DOC2B: variants seen among roughly 807,000 people sequenced by gnomAD.
DOC2B encodes double C2-like domain-containing protein beta.
A neutral mutation model predicts 28.9 loss-of-function variants in DOC2B; 21 were observed. The ratio of observed to expected loss-of-function variants is 0.73; its 90% CI spans 0.52 to 1.05. DOC2B has a LOEUF of 1.05. Ranked by LOEUF, DOC2B falls within the 50% of genes least tolerant of loss-of-function variation. The probability of loss-of-function intolerance (pLI) is 0.00; values close to 1 mark genes in which losing one functional copy is unlikely to be tolerated. For missense variants in DOC2B, 384 were observed against 421.1 expected, an observed-to-expected ratio of 0.91 and a Z score of 0.77; for synonymous variants, 194 against 178.1, an observed-to-expected ratio of 1.09 and a Z score of -0.71.
intron 4 of DOC2B, 22 bp downstream of exon 4, chr17:162,059 G>T: frequency 6.6e-7 from 1 of 1,508,942 alleles, no homozygotes; most frequent in Non-Finnish European, 9.0e-7. Context: ...GAGGGAGCAG[G>T]CGGCCTGGGA....
In DOC2B at chr17:156,209, G is replaced by A. The variant is rs1011799657; in HGVS notation, c.923+11C>T. 1.2e-5 allele frequency: 18 copies of A among 1,543,612 alleles called. No individual in the cohort carries two copies. The highest frequency in any genetic ancestry group is 1.7e-4 in the Middle Eastern group (1 of 5,966). ...AGACGTGGCAGGTGGTCACGCGCACGGCACACTCACGTTTTCACGTAGGGG... is the reference window on the plus strand; with the variant it reads ...AGACGTGGCAGGTGGTCACGCGCACAGCACACTCACGTTTTCACGTAGGGG... On this transcript the variant is annotated intron_variant, in intron 6 of 8. Transcript: ENST00000613549.
intron 3 of DOC2B, 106 bp downstream of exon 3, chr17:164,024 G>C: frequency 1.2e-6 from 1 of 866,744 alleles, no homozygotes; most frequent in African/African-American, 1.7e-5. Flanking sequence ...GGGCCTCCCT[G>C]GGTGCCCGCA....
intron 4 of DOC2B, 70 bp from the exon 5 acceptor site, chr17:161,611 G>T: frequency 6.5e-7 from 1 of 1,540,246 alleles, no homozygotes; most frequent in Non-Finnish European, 8.8e-7. Context: ...GGTGTGCGCA[G>T]GTAGGGCCAG....
intron 6 of DOC2B, among the ~76,000 whole-genome samples, chr17:150,667 G>A (rs554808397): frequency 6.6e-6 from 1 of 152,342 alleles, no homozygotes; most frequent in African/African-American, 2.4e-5. Context: ...GAAAATGCAT[G>A]TGGACAAAAG....
At chr17:175,223 G>A (rs987555647) in intron 1 of DOC2B, among the ~76,000 whole-genome samples, 1 of 152,220 alleles carries the variant, frequency 6.6e-6, no homozygotes, top group Non-Finnish European at 1.5e-5. Context: ...GCGACAGAGC[G>A]AGATCCTGTC....
At chr17:150,328 G>A (rs1555521695) in intron 6 of DOC2B, among the ~76,000 whole-genome samples, 1 of 152,116 alleles carries the variant, frequency 6.6e-6, no homozygotes, top group Non-Finnish European at 1.5e-5. Context: ...GCACCAGGGA[G>A]CTTAACAAAC....
intron 1 of DOC2B, among the ~76,000 whole-genome samples, chr17:180,027 T>C (rs1597839656): frequency 1.3e-5 from 2 of 152,090 alleles, no homozygotes; most frequent in South Asian, 4.2e-4. Context: ...CCCTGGTGAG[T>C]GCCCAGGCCA....
At chr17:153,079 A>G (rs1252359401) in intron 6 of DOC2B, among the ~76,000 whole-genome samples, 1 of 152,150 alleles carries the variant, frequency 6.6e-6, no homozygotes, top group Non-Finnish European at 1.5e-5. Context: ...AGGGTGTCTG[A>G]AACAGATGTG....
Position 181,049 on chromosome 17 carries a change from G to A in DOC2B, c.373+58C>T, listed in dbSNP as rs966329790. 8 of 1,196,428 alleles carry A rather than the reference G, an allele frequency of 6.7e-6. No homozygotes were observed. The highest frequency in any genetic ancestry group is 4.4e-5 in the Admixed American group (1 of 22,860). 74.1% of individuals were successfully genotyped at this position (1,196,428 alleles called of 1,614,324 possible). ...CGGCGGAGGGAAGCCGCGAGGCCGT[G>A]GGGGGGCCGAGCCCGAGCCAGGGGA... is the stretch of plus-strand genomic sequence containing the variant. On this transcript the variant is annotated intron_variant, in intron 1 of 8. Coordinates refer to ENST00000613549, the MANE Select transcript of DOC2B (RefSeq NM_003585.5). The surrounding 1 kb of genome is among the most constrained non-coding windows in gnomAD (Gnocchi z 7.0).
In DOC2B at chr17:145,680, G is replaced by T. The variant is rs1024520174; in HGVS notation, c.*1761C>A. On this transcript the variant is annotated 3_prime_UTR_variant, in exon 9 of 9. Transcript: ENST00000613549. ...GTGTGCTTTGTGTCTGCAGTGGAAG[G>T]TCCCACCGTCGTGCCTGTGAGTCCC... is the stretch of plus-strand genomic sequence containing the variant. The T allele has an allele frequency of 3.3e-3, 500 of 152,644 alleles. 6 individuals carry two copies. Among genetic ancestry groups the T allele is most frequent in the Non-Finnish European group, 3.5e-3 (239 of 68,322 alleles). The allele number at this position is 152,644 out of a possible 1,614,324, so 9.5% of individuals were successfully genotyped here. A position where few individuals can be genotyped will look rare whatever the true frequency, so the allele number is the denominator to read the frequency against.
Position 164,164 on chromosome 17 carries a change from T to C in DOC2B, c.494A>G (p.Tyr165Cys). The change falls in exon 3 of 9, where the codon TAC becomes TGC. Residue 165 changes from tyrosine to cysteine, a missense_variant. Transcript: ENST00000613549. ...TCCTGGCAGCAGGTGCAGCTTGACG[T>C]AGGGGTCTGCCAGCCCATTGTGGTC... ...PMDHNGLADPYVKLHLLPGAS... is the reference protein window; with the variant it reads ...PMDHNGLADPCVKLHLLPGAS... 16 of 1,554,060 alleles carry C rather than the reference T, an allele frequency of 1.0e-5. No homozygotes were observed. The highest frequency in any genetic ancestry group is 1.4e-5 in the Non-Finnish European group (16 of 1,148,158).
rs959214432 is a variant in DOC2B at position 146,496 on chromosome 17, T to G, written c.*945A>C. The G allele has an allele frequency of 1.3e-5, 2 of 152,226 alleles. No homozygotes were observed. The highest frequency in any genetic ancestry group is 2.9e-5 in the Non-Finnish European group (2 of 68,110). 9.4% of individuals were successfully genotyped at this position (152,226 alleles called of 1,614,324 possible). A position where few individuals can be genotyped will look rare whatever the true frequency, so the allele number is the denominator to read the frequency against. ...CCTACACCAGTTTCTCCATGGTGTT[T>G]CCATCACGTCCCCCACCTCCTGCCT... is the stretch of plus-strand genomic sequence containing the variant. On this transcript the variant is annotated 3_prime_UTR_variant, in exon 9 of 9. Coordinates refer to ENST00000613549, the MANE Select transcript of DOC2B (RefSeq NM_003585.5).
At chr17:164,758 C>A (rs562312969) in intron 2 of DOC2B, among the ~76,000 whole-genome samples, 2 of 152,204 alleles carry the variant, frequency 1.3e-5, no homozygotes, top group Admixed American at 1.3e-4. Context: ...TTTCAGAAAA[C>A]CCAGCCACGC....
At chr17:149,014 C>T (rs1351423720) in intron 7 of DOC2B, 97 bp downstream of exon 7, 2 of 398,052 alleles carry the variant, frequency 5.0e-6, no homozygotes, top group Non-Finnish European at 8.9e-6. Context: ...TCTGACCACC[C>T]TCCCCATCCC....
At chr17:174,910 G>C (rs2040352074) in intron 1 of DOC2B, among the ~76,000 whole-genome samples, 1 of 152,202 alleles carries the variant, frequency 6.6e-6, no homozygotes, top group Non-Finnish European at 1.5e-5. Context: ...CTTGAGCTCA[G>C]GAGTTCGAGA....
At chr17:179,119 C>T (rs1283932570) in intron 1 of DOC2B, among the ~76,000 whole-genome samples, 1 of 152,244 alleles carries the variant, frequency 6.6e-6, no homozygotes, top group Non-Finnish European at 1.5e-5. Context: ...CTCCTTAGCT[C>T]CTCTGAGCCC....
At chr17:177,077 T>TAAC (rs2040378349) in intron 1 of DOC2B, among the ~76,000 whole-genome samples, 1 of 143,590 alleles carries the variant, frequency 7.0e-6, no homozygotes, top group African/African-American at 2.6e-5. Context: ...TCAAATACTT[T>TAAC]AAAAAAAACA....
intron 1 of DOC2B, among the ~76,000 whole-genome samples, chr17:178,935 G>A (rs1258391960): frequency 6.6e-6 from 1 of 152,226 alleles, no homozygotes; most frequent in Non-Finnish European, 1.5e-5. Context: ...GGTACTGGGT[G>A]GAAGGCAGTC....
intron 5 of DOC2B, among the ~76,000 whole-genome samples, chr17:160,083 C>T (rs1179396067): frequency 6.6e-6 from 1 of 150,706 alleles, no homozygotes; most frequent in Non-Finnish European, 1.5e-5. Flanking sequence ...CTCTCAGGTT[C>T]AAGCGATTCT....
Sources: gnomAD v4.1 joint callset for allele counts (sites outside exome capture counted in the v4.1 genomes callset) on GRCh38, gnomAD v4.1.1 for gene constraint, Gnocchi (gnomAD v3.1) non-coding constraint, MANE v1.5 for transcripts, NCBI Gene and HGNC (gene_info 2026-07-23, HGNC 2026-07-21) for gene names.